The following UCK1 variants were observed in gnomAD, a reference collection of about 807,000 sequenced individuals.
UCK1 encodes the protein uridine-cytidine kinase 1, also known as cytidine monophosphokinase 1.
In UCK1, 20 loss-of-function variants were observed where a neutral mutation model predicts 34.0. The ratio of observed to expected loss-of-function variants is 0.59; its 90% CI spans 0.41 to 0.86. The LOEUF is 0.86. Ranked by LOEUF, UCK1 falls within the 40% of genes least tolerant of loss-of-function variation. The probability of loss-of-function intolerance (pLI) is 0.00; values close to 1 mark genes in which losing one functional copy is unlikely to be tolerated. For missense variants in UCK1, 343 were observed against 383.6 expected (o/e 0.89, Z 0.88); for synonymous variants, 168 against 155.9 (o/e 1.08, Z -0.58).
Position 131,531,139 on chromosome 9 carries a change from G to T in UCK1, c.36C>A (p.Pro12=). ...ASAGGEDCES[P]APEADRPHQR... ...GGTGCGGACGGTCGGCCTCCGGCGCGGGGCTCTCGCAGTCTTCGCCTCCCG... is the reference window on the plus strand; with the variant it reads ...GGTGCGGACGGTCGGCCTCCGGCGCTGGGCTCTCGCAGTCTTCGCCTCCCG... Residue 12 remains proline, a synonymous_variant, in exon 1 of 7, where the codon CCC becomes CCA. Coordinates refer to ENST00000372215, the MANE Select transcript of UCK1 (RefSeq NM_031432.5). 1 of 1,449,510 alleles carries T rather than the reference G, an allele frequency of 6.9e-7. No individual in the cohort carries two copies. Among genetic ancestry groups the T allele is most frequent in the Non-Finnish European group, 9.0e-7 (1 of 1,105,014 alleles). The allele number at this position is 1,449,510 out of a possible 1,614,324, so 89.8% of individuals were successfully genotyped here.
chr9:131,526,119 A>C (rs550453270), intron 5 of UCK1, 142 bp from the exon 6 acceptor site: 1 of 928,756 alleles, frequency 1.1e-6, no homozygotes, highest in Non-Finnish European at 1.7e-6. Context: ...TGGGGGACAC[A>C]GACTCAGTCA....
chr9:131,524,687 G>T lies in UCK1; in HGVS notation c.*353C>A. 1 of 220,604 alleles carries T rather than the reference G, an allele frequency of 4.5e-6. No individual in the cohort carries two copies. Among genetic ancestry groups the T allele is most frequent in the African/African-American group, 2.3e-5 (1 of 43,622 alleles). The allele number at this position is 220,604 out of a possible 1,614,324, so 13.7% of individuals were successfully genotyped here. On this transcript the variant is annotated 3_prime_UTR_variant, in exon 7 of 7. Transcript: ENST00000372215. ...TGGGTTCACTGTCAACAAAACATCAGGCCAGCCAGTGTCTAGGCTGTCTCC... is the reference window on the plus strand; with the variant it reads ...TGGGTTCACTGTCAACAAAACATCATGCCAGCCAGTGTCTAGGCTGTCTCC...
At chr9:131,530,434 G>A (rs1445716049) in intron 2 of UCK1, 52 bp downstream of exon 2, 14 of 1,602,568 alleles carry the variant, frequency 8.7e-6, no homozygotes, top group African/African-American at 1.3e-5. Context: ...GCTGGTTAGC[G>A]GCCGCCCAGA....
Position 131,528,865 on chromosome 9 carries a change from C to T in UCK1, c.603+79G>A, listed in dbSNP as rs1950712911. Reference sequence around the variant, plus strand: ...TCAATCAGATCACTGTCACCCAGCACTAAGCCCTCTCACAGTACTGGGTCC... The same window carrying T: ...TCAATCAGATCACTGTCACCCAGCATTAAGCCCTCTCACAGTACTGGGTCC... On this transcript the variant is annotated intron_variant, in intron 5 of 6. Transcript: ENST00000372215. The T allele has an allele frequency of 1.9e-6, 3 of 1,542,356 alleles. No individual in the cohort carries two copies. In the South Asian group the frequency reaches 3.5e-5, roughly 18 times the overall value.
intron 5 of UCK1, chr9:131,528,741 T>C (rs921215069): frequency 4.6e-6 from 3 of 647,932 alleles, no homozygotes; most frequent in African/African-American, 3.7e-5. Context: ...TATGGGGCTT[T>C]TTTAGGCAGA....
intron 5 of UCK1, chr9:131,526,262 T>C (rs1474555135): frequency 5.8e-6 from 4 of 690,696 alleles, no homozygotes; most frequent in East Asian, 3.1e-5. Flanking sequence ...TCCCACTCCA[T>C]TACAGGAGAC....
intron 1 of UCK1, 43 bp from the exon 2 acceptor site, chr9:131,530,688 C>T (rs780770800): frequency 1.2e-6 from 2 of 1,614,172 alleles, no homozygotes; most frequent in Non-Finnish European, 1.7e-6. Flanking sequence ...ACCGCTCGTC[C>T]TGTGACAGGC....
intron 1 of UCK1, 105 bp from the exon 2 acceptor site, chr9:131,530,750 T>C: frequency 1.2e-6 from 2 of 1,600,086 alleles, no homozygotes; most frequent in South Asian, 2.2e-5. Context: ...GGGGGTATGC[T>C]CGGAAGGCGG....
In UCK1 at chr9:131,531,150, A is replaced by T; in HGVS notation, c.25T>A (p.Cys9Ser). MASAGGED[C>S]ESPAPEADRP... ...TCGGCCTCCGGCGCGGGGCTCTCGC[A>T]GTCTTCGCCTCCCGCCGAAGCCATC... The change falls in exon 1 of 7, where the codon TGC becomes AGC. Residue 9 changes from cysteine to serine, a missense_variant. By Grantham distance (112) the Cys-to-Ser change is moderately radical (BLOSUM62 -1). Coordinates refer to ENST00000372215, the MANE Select transcript of UCK1 (RefSeq NM_031432.5). 2 of 1,435,880 alleles carry T rather than the reference A, an allele frequency of 1.4e-6. No individual in the cohort carries two copies. Among genetic ancestry groups the T allele is most frequent in the Non-Finnish European group, 1.8e-6 (2 of 1,096,302 alleles). 88.9% of individuals were successfully genotyped at this position (1,435,880 alleles called of 1,614,324 possible).
At chr9:131,530,950 C>G (rs1950819570) in intron 1 of UCK1, 117 bp downstream of exon 1, 6 of 1,056,628 alleles carry the variant, frequency 5.7e-6, no homozygotes, top group Non-Finnish European at 6.2e-6. Context: ...CCTTCGCTCC[C>G]GCGCCCTGCC....
At chr9:131,530,671 G>C in intron 1 of UCK1, 26 bp from the exon 2 acceptor site, 1 of 1,614,162 alleles carries the variant, frequency 6.2e-7, no homozygotes, top group Non-Finnish European at 8.5e-7. Flanking sequence ...CGGGATTCCC[G>C]CCTGGAACCG....
intron 1 of UCK1, 150 bp downstream of exon 1, chr9:131,530,917 C>T (rs1564409902): frequency 6.5e-6 from 6 of 927,254 alleles, no homozygotes; most frequent in Non-Finnish European, 9.1e-6. Context: ...CCAGCCCGCC[C>T]CGGCCCATCG....
At chr9:131,526,066 G>A in intron 5 of UCK1, 89 bp from the exon 6 acceptor site, 1 of 1,496,250 alleles carries the variant, frequency 6.7e-7, no homozygotes, top group Admixed American at 1.7e-5. Flanking sequence ...ACAGCAGGAG[G>A]GGCGGCCCTG....
At chr9:131,529,711 C>G in intron 2 of UCK1, 127 bp from the exon 3 acceptor site, 1 of 761,860 alleles carries the variant, frequency 1.3e-6, no homozygotes, top group Non-Finnish European at 2.2e-6. Flanking sequence ...CACAGGTAGA[C>G]TAGGACTACG....
In UCK1 at chr9:131,524,892, G is replaced by T; in HGVS notation, c.*148C>A. The T allele has an allele frequency of 2.1e-6, 2 of 936,858 alleles. No individual in the cohort carries two copies. Among genetic ancestry groups the T allele is most frequent in the Non-Finnish European group, 3.1e-6 (2 of 649,176 alleles). The allele number at this position is 936,858 out of a possible 1,614,324, so 58.0% of individuals were successfully genotyped here. A position where few individuals can be genotyped will look rare whatever the true frequency, so the allele number is the denominator to read the frequency against. Reference sequence around the variant, plus strand: ...AGTTGAGTCTGAGTGACACATCTGAGTTTCCACTCCTGAGTGAGGAAGGCC... The same window carrying T: ...AGTTGAGTCTGAGTGACACATCTGATTTTCCACTCCTGAGTGAGGAAGGCC... On this transcript the variant is annotated 3_prime_UTR_variant, in exon 7 of 7. Coordinates refer to ENST00000372215, the MANE Select transcript of UCK1 (RefSeq NM_031432.5).
Position 131,523,915 on chromosome 9 carries a change from A to ACGT in UCK1, c.*1122_*1124dup, listed in dbSNP as rs1950430719. On this transcript the variant is annotated 3_prime_UTR_variant, in exon 7 of 7. Coordinates refer to ENST00000372215, the MANE Select transcript of UCK1 (RefSeq NM_031432.5). ...GGGCTCAGCCCCCTTCCCCCACGTC[A>ACGT]CGTCTGCATCACTACTGTGGGTGAG... 1 of 152,496 alleles carries ACGT rather than the reference A, an allele frequency of 6.6e-6. No individual in the cohort carries two copies. Among genetic ancestry groups the ACGT allele is most frequent in the African/African-American group, 2.4e-5 (1 of 41,430 alleles). The allele number at this position is 152,496 out of a possible 1,614,324, so 9.4% of individuals were successfully genotyped here. A position where few individuals can be genotyped will look rare whatever the true frequency, so the allele number is the denominator to read the frequency against.
chr9:131,528,672 G>A (rs1203705020), intron 5 of UCK1: 1 of 521,170 alleles, frequency 1.9e-6, no homozygotes, highest in Admixed American at 3.3e-5. Context: ...GTGTTGAATG[G>A]GGACGCTGGG....
intron 5 of UCK1, 36 bp downstream of exon 5, chr9:131,528,908 G>T: frequency 6.2e-7 from 1 of 1,610,484 alleles, no homozygotes; most frequent in East Asian, 2.2e-5. Flanking sequence ...CCTTGTGAAA[G>T]GGGAAAATGG....
At position 131,523,911 on chromosome 9, in the gene UCK1, C is replaced by T. The variant is rs1026163841; in HGVS notation, c.*1129G>A. On this transcript the variant is annotated 3_prime_UTR_variant, in exon 7 of 7. Coordinates refer to ENST00000372215, the MANE Select transcript of UCK1 (RefSeq NM_031432.5). ...CACAGGGCTCAGCCCCCTTCCCCCACGTCACGTCTGCATCACTACTGTGGG... is the reference window on the plus strand; with the variant it reads ...CACAGGGCTCAGCCCCCTTCCCCCATGTCACGTCTGCATCACTACTGTGGG... 6.6e-6 allele frequency: 1 copy of T among 152,628 alleles called. No homozygotes were observed. The highest frequency in any genetic ancestry group is 6.5e-5 in the Admixed American group (1 of 15,312). 9.5% of individuals were successfully genotyped at this position (152,628 alleles called of 1,614,324 possible). A position where few individuals can be genotyped will look rare whatever the true frequency, so the allele number is the denominator to read the frequency against.
Sources: gnomAD v4.1 joint callset for allele counts on GRCh38, gnomAD v4.1.1 for gene constraint, MANE v1.5 for transcripts, NCBI Gene and HGNC (gene_info 2026-07-23, HGNC 2026-07-21) for gene names.